ANKRD36: variants seen among roughly 807,000 people sequenced by gnomAD.
ANKRD36 encodes ankyrin repeat domain-containing protein 36A.
In ANKRD36, 179 loss-of-function variants were observed where a neutral mutation model predicts 278.1. The observed-to-expected ratio is 0.64, with a 90% confidence interval of 0.57 to 0.73. The LOEUF (loss-of-function observed/expected upper bound fraction) is 0.73, where lower values mean the gene tolerates loss of function less well. ANKRD36 is among the 30% of genes least tolerant of loss of function. The pLI, the probability that ANKRD36 is intolerant of heterozygous loss-of-function variation, is 0.00. For missense variants in ANKRD36, 1,159 were observed against 1,956.7 expected (o/e 0.59, Z 7.69); for synonymous variants, 320 against 641.1 (o/e 0.50, Z 7.57).
intron 1 of ANKRD36, 66 bp from the exon 2 acceptor site, chr2:97,117,998 C>G: frequency 1.3e-6 from 2 of 1,524,952 alleles, no homozygotes; most frequent in Non-Finnish European, 1.8e-6. Flanking sequence ...GTTTTGAAGA[C>G]AGAGAAATGA....
intron 67 of ANKRD36, among the ~76,000 whole-genome samples, chr2:97,225,761 G>T (rs2069300979): frequency 6.6e-6 from 1 of 150,966 alleles, no homozygotes; most frequent in Admixed American, 6.6e-5. Flanking sequence ...ATCTCCTAAT[G>T]CTATCCCTCC....
chr2:97,117,895 G>T (rs549054646), intron 1 of ANKRD36, among the ~76,000 whole-genome samples, 169 bp from the exon 2 acceptor site: 6 of 151,848 alleles, frequency 4.0e-5, no homozygotes, highest in Non-Finnish European at 7.4e-5. Flanking sequence ...AAAAGCCAAG[G>T]CTTTTCTATT....
chr2:97,220,049 C>G (rs1266290090), intron 66 of ANKRD36, among the ~76,000 whole-genome samples: 1 of 107,036 alleles, frequency 9.3e-6, no homozygotes, highest in Non-Finnish European at 1.6e-5. Context: ...CTGATTAGCA[C>G]ACTGTGTGTG....
rs1461832619 is a variant in ANKRD36 at position 97,122,878 on chromosome 2, A to G, written c.487-9A>G. 2 of 1,534,290 alleles carry G rather than the reference A, an allele frequency of 1.3e-6. No individual in the cohort carries two copies. Among genetic ancestry groups the G allele is most frequent in the South Asian group, 1.2e-5 (1 of 81,710 alleles). ...TTTGTGATTATAAATTGTTGCTGTTATTTTACAGTGTGAATATCAGCCACT... is the reference window on the plus strand; with the variant it reads ...TTTGTGATTATAAATTGTTGCTGTTGTTTTACAGTGTGAATATCAGCCACT... On this transcript the variant is annotated splice_polypyrimidine_tract_variant and intron_variant, in intron 3 of 75. Transcript: ENST00000420699.
intron 66 of ANKRD36, among the ~76,000 whole-genome samples, chr2:97,224,367 A>G (rs1161057709): frequency 1.3e-5 from 2 of 151,822 alleles, no homozygotes; most frequent in Non-Finnish European, 2.9e-5. Flanking sequence ...TAAAGAAGTA[A>G]ATATTATACT....
At chr2:97,203,928 C>T (rs574305154) in intron 48 of ANKRD36, 140 bp from the exon 49 acceptor site, 2 of 1,368,690 alleles carry the variant, frequency 1.5e-6, no homozygotes, top group East Asian at 2.5e-5. Flanking sequence ...ACGTTCTAAT[C>T]CCCAGACCAA....
intron 66 of ANKRD36, among the ~76,000 whole-genome samples, chr2:97,223,098 C>CTTTT (rs58708702): frequency 3.4e-4 from 42 of 123,980 alleles, no homozygotes; most frequent in African/African-American, 1.2e-3. Flanking sequence ...TTATTATACA[C>CTTTT]TTTTTTTTTT....
At chr2:97,124,227 C>T (rs189832074) in intron 4 of ANKRD36, among the ~76,000 whole-genome samples, 39 of 151,898 alleles carry the variant, frequency 2.6e-4, no homozygotes, top group East Asian at 1.9e-3. Flanking sequence ...TTTAAGTTAG[C>T]AACTTTATGT....
intron 32 of ANKRD36, among the ~76,000 whole-genome samples, chr2:97,188,470 A>G (rs966970726): frequency 6.6e-6 from 1 of 151,740 alleles, no homozygotes; most frequent in African/African-American, 2.4e-5. Context: ...AAACTAGTGG[A>G]TACAAGATAC....
intron 66 of ANKRD36, among the ~76,000 whole-genome samples, chr2:97,224,262 T>C: frequency 6.6e-6 from 1 of 150,790 alleles, no homozygotes; most frequent in Non-Finnish European, 1.5e-5. Context: ...AATTTGTGAG[T>C]GAATCTTTGA....
chr2:97,217,426 T>A (rs2066238903), intron 64 of ANKRD36, 54 bp downstream of exon 64: 2 of 1,548,106 alleles, frequency 1.3e-6, no homozygotes, highest in South Asian at 1.2e-5. Flanking sequence ...GAAGACAACA[T>A]CCCACCCCTG....
At chr2:97,235,332 A>G in intron 68 of ANKRD36, among the ~76,000 whole-genome samples, 1 of 150,274 alleles carries the variant, frequency 6.7e-6, no homozygotes, top group Non-Finnish European at 1.5e-5. Context: ...CTTATGTGTT[A>G]TCTATTTCTG....
intron 50 of ANKRD36, among the ~76,000 whole-genome samples, chr2:97,205,713 A>G (rs1254607589): frequency 1.3e-5 from 2 of 151,438 alleles, no homozygotes; most frequent in East Asian, 3.9e-4. Flanking sequence ...TCGACATATG[A>G]GAAATCTTAC....
intron 67 of ANKRD36, among the ~76,000 whole-genome samples, chr2:97,230,405 T>A (rs2071527576): frequency 6.6e-6 from 1 of 152,122 alleles, no homozygotes; most frequent in Non-Finnish European, 1.5e-5. Context: ...CCATCACTGA[T>A]ACCCTTTCTT....
In ANKRD36 at chr2:97,163,915, A is replaced by G. The variant is rs2049917118; in HGVS notation, c.1430-368A>G. 3.6e-6 allele frequency: 4 copies of G among 1,102,672 alleles called. No individual in the cohort carries two copies. In the South Asian group the frequency reaches 9.0e-5, roughly 25 times the overall value. 68.3% of individuals were successfully genotyped at this position (1,102,672 alleles called of 1,614,324 possible). ...TCATGCACTCTCATTGCAACTTCATAGTTTCTAACATTTATTCTTCTGGGG... is the reference window on the plus strand; with the variant it reads ...TCATGCACTCTCATTGCAACTTCATGGTTTCTAACATTTATTCTTCTGGGG... On this transcript the variant is annotated intron_variant, in intron 18 of 75. Transcript: ENST00000420699.
At chr2:97,185,294 A>G (rs2057156187) in intron 28 of ANKRD36, 22 bp from the exon 29 acceptor site, 2 of 1,591,882 alleles carry the variant, frequency 1.3e-6, no homozygotes, top group South Asian at 1.1e-5. Flanking sequence ...ATGAGTGATT[A>G]TGTATCCCTT....
intron 40 of ANKRD36, among the ~76,000 whole-genome samples, chr2:97,195,176 G>T (rs1165400975): frequency 6.6e-6 from 1 of 151,982 alleles, no homozygotes; most frequent in South Asian, 2.1e-4. Flanking sequence ...GGGCTCTGGG[G>T]CCCAGCATAA....
At position 97,118,334 on chromosome 2, in the gene ANKRD36, A is replaced by G. The variant is rs2036065117; in HGVS notation, c.313-10A>G. The G allele has an allele frequency of 4.3e-6, 7 of 1,611,216 alleles. No homozygotes were observed. The highest frequency in any genetic ancestry group is 5.9e-6 in the Non-Finnish European group (7 of 1,178,724). ...CAGTATTTGCATGTTTCTCGGTCTAATACTGACAGGCTGTACAACTGAGGC... is the reference window on the plus strand; with the variant it reads ...CAGTATTTGCATGTTTCTCGGTCTAGTACTGACAGGCTGTACAACTGAGGC... On this transcript the variant is annotated splice_polypyrimidine_tract_variant and intron_variant, in intron 2 of 75. Transcript: ENST00000420699.
intron 18 of ANKRD36, 165 bp from the exon 19 acceptor site, chr2:97,164,118 A>C (rs1050599234): frequency 2.0e-6 from 2 of 985,334 alleles, no homozygotes; most frequent in African/African-American, 3.5e-5. Context: ...TATTCCTGTC[A>C]TGTTTGTTTG....
Sources: allele counts gnomAD v4.1 joint callset (sites outside exome capture counted in the v4.1 genomes callset), GRCh38; gene constraint gnomAD v4.1.1; transcripts MANE v1.5; gene names NCBI Gene and HGNC (gene_info 2026-07-23, HGNC 2026-07-21).